Variants in CD53 observed in about 807,000 individuals in gnomAD.
The protein encoded by CD53 is CD53 molecule.
In CD53, 20 loss-of-function variants were observed where a neutral mutation model predicts 27.3. The observed-to-expected ratio is 0.73, with a 90% CI of 0.52 to 1.07. CD53 has a LOEUF of 1.07. CD53 is among the 50% of genes least tolerant of loss of function. CD53 has a pLI of 0.00. For missense variants in CD53, 216 were observed against 264.0 expected (o/e 0.82, Z 1.26); for synonymous variants, 106 against 105.3 (o/e 1.01, Z -0.04).
Position 110,898,007 on chromosome 1 carries a change from A to C in CD53, c.588+115A>C, listed in dbSNP as rs527773495. ...CAATAAATGTTAGCTATTTTTACTA[A>C]TATATGAATTCCCCCAGCCAAGTAG... On this transcript the variant is annotated intron_variant, in intron 7 of 7. Transcript: ENST00000271324. The C allele has an allele frequency of 1.1e-4, 59 of 540,674 alleles. 1 individual carries two copies. In the South Asian group the frequency reaches 1.4e-3, roughly 13 times the overall value. The allele number at this position is 540,674 out of a possible 1,614,324, so 33.5% of individuals were successfully genotyped here. A position where few individuals can be genotyped will look rare whatever the true frequency, so the allele number is the denominator to read the frequency against.
In CD53 at chr1:110,899,400, G is replaced by A. The variant is rs1354040457; in HGVS notation, c.*205G>A. The A allele has an allele frequency of 1.4e-5, 7 of 497,622 alleles. No homozygotes were observed. Among genetic ancestry groups the A allele is most frequent in the Admixed American group, 3.7e-5 (1 of 27,210 alleles). 30.8% of individuals were successfully genotyped at this position (497,622 alleles called of 1,614,324 possible). A position where few individuals can be genotyped will look rare whatever the true frequency, so the allele number is the denominator to read the frequency against. ...GCAAGACAATCTTTCACTCACTGAC[G>A]GCAGCAGCCATGTCTCTCAAAGTGG... On this transcript the variant is annotated 3_prime_UTR_variant, in exon 8 of 8. Transcript: ENST00000271324.
At chr1:110,891,367 T>A in intron 1 of CD53, 25 bp from the exon 2 acceptor site, 5 of 1,506,420 alleles carry the variant, frequency 3.3e-6, no homozygotes, top group Non-Finnish European at 4.6e-6. Context: ...TGAGGTAACT[T>A]ACTTTCTTCT....
chr1:110,872,134 C>T (rs1387335091), upstream of CD53, among the ~76,000 whole-genome samples: 1 of 152,204 alleles, frequency 6.6e-6, no homozygotes, highest in African/African-American at 2.4e-5. Context: ...CCAGTGATTG[C>T]TTCCAAGTTT....
intron 1 of CD53, among the ~76,000 whole-genome samples, chr1:110,882,622 T>A (rs1379875172): frequency 6.6e-6 from 1 of 152,044 alleles, no homozygotes; most frequent in Non-Finnish European, 1.5e-5. Flanking sequence ...GCTGTAATAT[T>A]GATGGGGATT....
chr1:110,886,853 A>G lies in CD53; in HGVS notation c.-17-4539A>G, dbSNP rs1457704605. Among the ~76,000 whole-genome samples the G allele has an allele frequency of 4.3e-5, 3 of 70,158 alleles. No homozygotes were observed. The South Asian group carries it at 1.3e-3, about 31-fold the overall frequency. 46.0% of individuals were successfully genotyped at this position (70,158 alleles called of 152,430 possible). Reference sequence around the variant, plus strand: ...GAGCGAGACTCTGTCTCCAATATATATATATATATATATATATTTTTTTTT... The same window carrying G: ...GAGCGAGACTCTGTCTCCAATATATGTATATATATATATATATTTTTTTTT... On this transcript the variant is annotated intron_variant, in intron 1 of 7. Coordinates refer to ENST00000271324, the MANE Select transcript of CD53 (RefSeq NM_000560.4).
At chr1:110,883,764 A>T (rs1166940402) in intron 1 of CD53, among the ~76,000 whole-genome samples, 1 of 151,888 alleles carries the variant, frequency 6.6e-6, no homozygotes, top group African/African-American at 2.4e-5. Context: ...TTTGAGTGAG[A>T]CTTGGTAATT....
intron 3 of CD53, 45 bp from the exon 4 acceptor site, chr1:110,894,282 G>A (rs761569557): frequency 7.1e-6 from 11 of 1,555,280 alleles, no homozygotes; most frequent in Admixed American, 3.3e-5. Flanking sequence ...GGAGTGGGAC[G>A]AGAATGGGGA....
intron 1 of CD53, among the ~76,000 whole-genome samples, chr1:110,874,064 C>G (rs958937595): frequency 2.6e-5 from 4 of 152,212 alleles, no homozygotes; most frequent in Admixed American, 1.3e-4. Flanking sequence ...GGTCCTGACT[C>G]TCTGTGACCA....
chr1:110,880,576 C>CTT (rs1656317926), intron 1 of CD53, among the ~76,000 whole-genome samples: 1 of 152,084 alleles, frequency 6.6e-6, no homozygotes, highest in Non-Finnish European at 1.5e-5. Context: ...GGCTCAATTC[C>CTT]TTTCTGTTAC....
intron 6 of CD53, 87 bp from the exon 7 acceptor site, chr1:110,897,722 A>G: frequency 1.3e-6 from 1 of 763,602 alleles, no homozygotes; most frequent in South Asian, 1.7e-5. Context: ...CATAAAGCAA[A>G]ATGCAAAGCA....
chr1:110,886,205 A>G (rs886265442), intron 1 of CD53, among the ~76,000 whole-genome samples: 1 of 152,088 alleles, frequency 6.6e-6, no homozygotes, highest in Admixed American at 6.5e-5. Context: ...CCTGTTTTCC[A>G]ATAAGAAGTC....
At chr1:110,883,427 G>T (rs2363536) in intron 1 of CD53, among the ~76,000 whole-genome samples, 33,464 of 151,698 alleles carry the variant, frequency 0.22, 4,039 homozygotes, top group East Asian at 0.32. Context: ...TCTTATCATT[G>T]TTCTATATCG....
At chr1:110,889,474 C>T (rs1315813711) in intron 1 of CD53, among the ~76,000 whole-genome samples, 4 of 152,066 alleles carry the variant, frequency 2.6e-5, no homozygotes, top group Non-Finnish European at 5.9e-5. Context: ...AGGAGAATGG[C>T]TTGAATCTGG....
chr1:110,888,455 A>G (rs1656716392), intron 1 of CD53, among the ~76,000 whole-genome samples: 1 of 152,140 alleles, frequency 6.6e-6, no homozygotes. Context: ...GGCTCACACC[A>G]TTTATTTCCC....
At chr1:110,887,902 T>C (rs1007590444) in intron 1 of CD53, among the ~76,000 whole-genome samples, 1 of 152,214 alleles carries the variant, frequency 6.6e-6, no homozygotes, top group African/African-American at 2.4e-5. Context: ...AGGGCAAAGA[T>C]GACTTTGAAG....
chr1:110,889,844 A>G (rs1656783786), intron 1 of CD53, among the ~76,000 whole-genome samples: 1 of 152,214 alleles, frequency 6.6e-6, no homozygotes, highest in African/African-American at 2.4e-5. Flanking sequence ...TACTTCTGAT[A>G]TATATTCAAA....
chr1:110,896,244 T>A (rs1352034540), intron 5 of CD53, among the ~76,000 whole-genome samples: 1 of 152,200 alleles, frequency 6.6e-6, no homozygotes, highest in Non-Finnish European at 1.5e-5. Flanking sequence ...AAGTTTGATG[T>A]GGTTTTTGTT....
chr1:110,892,271 A>G, intron 2 of CD53, 74 bp from the exon 3 acceptor site: 1 of 1,031,870 alleles, frequency 9.7e-7, no homozygotes, highest in Non-Finnish European at 1.5e-6. Context: ...TTCTGATCTC[A>G]AGGAAGTGAG....
At chr1:110,896,000 A>T (rs564973919) in intron 5 of CD53, among the ~76,000 whole-genome samples, 14 of 152,328 alleles carry the variant, frequency 9.2e-5, no homozygotes, top group Non-Finnish European at 1.3e-4. Context: ...AAAAAATTTT[A>T]ATTGACTTGT....
Sources: allele counts gnomAD v4.1 joint callset (sites outside exome capture counted in the v4.1 genomes callset), GRCh38; gene constraint gnomAD v4.1.1; transcripts MANE v1.5; gene names NCBI Gene and HGNC (gene_info 2026-07-23, HGNC 2026-07-21).